The following MYO5B variants were observed in gnomAD, a reference collection of about 807,000 sequenced individuals.
MYO5B encodes myosin VB.
Under a neutral mutation model 229.3 loss-of-function variants are expected in MYO5B, and 143 were observed. The ratio of observed to expected loss-of-function variants is 0.62; its 90% CI spans 0.54 to 0.72. The LOEUF is 0.72. Among genes scored for constraint, MYO5B ranks in the 30% least tolerant of loss-of-function variants. The pLI, the probability that MYO5B is intolerant of heterozygous loss-of-function variation, is 0.00. For synonymous variants in MYO5B, 918 were observed against 885.2 expected (o/e 1.04, Z -0.66); for missense variants, 2,321 against 2,331.0 (o/e 1.00, Z 0.09).
chr18:50,046,749 C>A (rs2030238248), intron 2 of MYO5B, among the ~76,000 whole-genome samples: 1 of 152,110 alleles, frequency 6.6e-6, no homozygotes, highest in African/African-American at 2.4e-5. Flanking sequence ...AGATATAGAC[C>A]AATGGAACAG....
At chr18:50,107,109 CTTTTTTTTTTTTTT>C (rs71169479) in intron 1 of MYO5B, among the ~76,000 whole-genome samples, 2 of 56,584 alleles carry the variant, frequency 3.5e-5, no homozygotes, top group African/African-American at 6.5e-5. Flanking sequence ...CTTAGGGTGC[CTTTTTTTTTTTTTT>C]TTTTTTTTTT....
chr18:49,858,913 G>A (rs765899339), intron 29 of MYO5B, among the ~76,000 whole-genome samples: 18 of 152,330 alleles, frequency 1.2e-4, no homozygotes, highest in Non-Finnish European at 2.2e-4. Context: ...GGCCAGGGAG[G>A]GAGCGCCACC....
At chr18:49,830,339 T>C (rs1039380710) in intron 39 of MYO5B, among the ~76,000 whole-genome samples, 13 of 152,038 alleles carry the variant, frequency 8.6e-5, no homozygotes, top group African/African-American at 2.4e-4. Context: ...GCCAAGAAGG[T>C]GCAACACTTC....
intron 7 of MYO5B, among the ~76,000 whole-genome samples, chr18:49,987,470 C>G (rs1459894814): frequency 6.6e-6 from 1 of 152,138 alleles, no homozygotes; most frequent in Non-Finnish European, 1.5e-5. Context: ...AGCAACTTCT[C>G]TCATCCTCCA....
At chr18:50,177,468 C>G (rs901964152) in intron 1 of MYO5B, among the ~76,000 whole-genome samples, 8 of 152,210 alleles carry the variant, frequency 5.3e-5, no homozygotes, top group Admixed American at 3.9e-4. Context: ...GGGAATCATT[C>G]TCTTTGATGT....
At chr18:50,067,740 CA>C (rs1292075577) in intron 1 of MYO5B, among the ~76,000 whole-genome samples, 1 of 152,170 alleles carries the variant, frequency 6.6e-6, no homozygotes, top group Non-Finnish European at 1.5e-5. Context: ...TGAGTGGAAG[CA>C]GCCTGGGGCC....
chr18:49,936,111 G>C (rs2025246541), intron 16 of MYO5B, 141 bp downstream of exon 16: 1 of 739,756 alleles, frequency 1.4e-6, no homozygotes, highest in Non-Finnish European at 2.4e-6. Context: ...TCTGTCTGCA[G>C]CAAGTAAGAT....
At chr18:49,978,639 C>T (rs984948412) in intron 9 of MYO5B, among the ~76,000 whole-genome samples, 1 of 150,786 alleles carries the variant, frequency 6.6e-6, no homozygotes, top group African/African-American at 2.4e-5. Context: ...CGAGAACTGA[C>T]CCTACTCTTT....
chr18:50,159,116 C>A (rs868104086), intron 1 of MYO5B, among the ~76,000 whole-genome samples: 20 of 152,116 alleles, frequency 1.3e-4, no homozygotes, highest in Admixed American at 8.5e-4. Flanking sequence ...TTGTCCAGAG[C>A]TGTCAATCAC....
At chr18:49,906,277 G>C (rs75424568) in intron 19 of MYO5B, 142 bp downstream of exon 19, 1 of 813,758 alleles carries the variant, frequency 1.2e-6, no homozygotes, top group Non-Finnish European at 2.0e-6. Flanking sequence ...CCCAGCTGCC[G>C]AGGAAAAGCC....
At chr18:50,194,032 T>C (rs2033264084) in intron 1 of MYO5B, among the ~76,000 whole-genome samples, 1 of 152,118 alleles carries the variant, frequency 6.6e-6, no homozygotes, top group Non-Finnish European at 1.5e-5. Context: ...CGGTTCGACT[T>C]TACTCCAACC....
chr18:49,910,373 G>A (rs1278733143), intron 18 of MYO5B, among the ~76,000 whole-genome samples: 1 of 152,196 alleles, frequency 6.6e-6, no homozygotes, highest in East Asian at 1.9e-4. Flanking sequence ...CAAATGAGAA[G>A]GCAGCCACAT....
In MYO5B at chr18:50,087,338, G is replaced by A. The variant is rs147138305; in HGVS notation, c.28-31960C>T. On this transcript the variant is annotated intron_variant, in intron 1 of 39. Coordinates refer to ENST00000285039, the MANE Select transcript of MYO5B (RefSeq NM_001080467.3). ...TGTAATCCCAGCATTTTGGGAGGCC[G>A]AGGCGGGTAGATCACGAAGCAGGAG... 2.6e-5 allele frequency among the ~76,000 whole-genome samples: 4 copies of A among 152,250 alleles called. No homozygotes were observed. In the East Asian group the frequency reaches 5.8e-4, roughly 22 times the overall value.
chr18:50,097,157 T>C (rs1369316172), intron 1 of MYO5B: 1 of 444,998 alleles, frequency 2.2e-6, no homozygotes, highest in Non-Finnish European at 4.6e-6. Context: ...AGTCTTTCAT[T>C]GCTGGTGTCT....
intron 2 of MYO5B, among the ~76,000 whole-genome samples, chr18:50,050,822 G>A (rs1411183903): frequency 6.6e-6 from 1 of 152,190 alleles, no homozygotes; most frequent in Non-Finnish European, 1.5e-5. Context: ...TTAGGTAAAA[G>A]GGAGGACAAA....
intron 14 of MYO5B, among the ~76,000 whole-genome samples, chr18:49,943,010 A>G (rs1325823400): frequency 6.6e-6 from 1 of 152,158 alleles, no homozygotes; most frequent in Non-Finnish European, 1.5e-5. Flanking sequence ...TGTGGCACAT[A>G]TACACCATGG....
At chr18:50,181,275 A>C (rs112687996) in intron 1 of MYO5B, among the ~76,000 whole-genome samples, 1,726 of 152,350 alleles carry the variant, frequency 0.011, 35 homozygotes, top group African/African-American at 0.039. Flanking sequence ...ATTGTTAACC[A>C]AACAGACCAG....
rs1026690057 is a variant in MYO5B, at chr18:49,845,275, T to C, written c.4459+1871A>G. The stretch of plus-strand genomic sequence containing the variant: ...CATTTAATTAATTGCTGGACAACTG[T>C]AGGGGAGATTAAGCTTTTTAAAAGA... On this transcript the variant is annotated intron_variant, in intron 33 of 39. Coordinates refer to ENST00000285039, the MANE Select transcript of MYO5B (RefSeq NM_001080467.3). Among the ~76,000 whole-genome samples, 66 of 152,316 alleles carry C rather than the reference T, an allele frequency of 4.3e-4. 1 individual carries two copies. The highest frequency in any genetic ancestry group is 3.2e-3 in the Admixed American group (49 of 15,300).
At chr18:50,136,237 T>G (rs1042647512) in intron 1 of MYO5B, among the ~76,000 whole-genome samples, 3 of 152,196 alleles carry the variant, frequency 2.0e-5, no homozygotes, top group African/African-American at 7.2e-5. Context: ...GTCTTGCCAT[T>G]TAACTAGAGG....
Sources: allele counts gnomAD v4.1 joint callset (sites outside exome capture counted in the v4.1 genomes callset), GRCh38; gene constraint gnomAD v4.1.1; transcripts MANE v1.5; gene names NCBI Gene and HGNC (gene_info 2026-07-23, HGNC 2026-07-21).